Variants in NFKB1 observed in about 807,000 individuals in gnomAD.
The protein encoded by NFKB1 is nuclear factor NF-kappa-B p105 subunit.
A neutral mutation model predicts 105.1 loss-of-function variants in NFKB1; 9 were observed. That is an observed-to-expected ratio of 0.09 (90% confidence interval 0.05 to 0.15). NFKB1 has a LOEUF of 0.15. NFKB1 is among the 10% of genes least tolerant of loss of function. The probability of loss-of-function intolerance (pLI) is 1.00; values close to 1 mark genes in which losing one functional copy is unlikely to be tolerated. For missense variants in NFKB1, 830 were observed against 1,203.7 expected, an observed-to-expected ratio of 0.69 and a Z score of 4.59; for synonymous variants, 440 against 442.2, an observed-to-expected ratio of 1.00 and a Z score of 0.06.
chr4:102,544,699 C>T (rs553507654), intron 5 of NFKB1, among the ~76,000 whole-genome samples: 7 of 152,054 alleles, frequency 4.6e-5, no homozygotes, highest in South Asian at 2.1e-4. Flanking sequence ...TTTAAATAGC[C>T]CTCTAAATCC....
chr4:102,537,548 T>G (rs978352347), intron 4 of NFKB1: 1 of 189,736 alleles, frequency 5.3e-6, no homozygotes, highest in Non-Finnish European at 1.1e-5. Flanking sequence ...GAACAAGCCG[T>G]AACATGTTAA....
chr4:102,614,846 C>T (rs552974704), intron 23 of NFKB1, among the ~76,000 whole-genome samples: 1 of 152,184 alleles, frequency 6.6e-6, no homozygotes, highest in South Asian at 2.1e-4. Flanking sequence ...CTTGGTACCT[C>T]ACCCAAGCCC....
intron 3 of NFKB1, among the ~76,000 whole-genome samples, chr4:102,533,274 T>A (rs1197549482): frequency 1.3e-5 from 2 of 152,200 alleles, no homozygotes; most frequent in Middle Eastern, 6.8e-3. Context: ...AGGCAGTACT[T>A]TCCCTTCAAG....
chr4:102,561,982 G>A lies in NFKB1; in HGVS notation c.259-5005G>A, dbSNP rs141836100. ...TGTGGGCTAAAGTGGTGAGGAGGGT[G>A]TCATGGAAGATTCAGGTTCAGGTCT... On this transcript the variant is annotated intron_variant, in intron 5 of 23. Coordinates refer to ENST00000226574, the MANE Select transcript of NFKB1 (RefSeq NM_003998.4). Among the ~76,000 whole-genome samples, 554 of 152,342 alleles carry A rather than the reference G, an allele frequency of 3.6e-3. 4 individuals are homozygous for A. Among genetic ancestry groups the A allele is most frequent in the African/African-American group, 0.012 (511 of 41,574 alleles).
chr4:102,616,407 C>G (rs1377010545), intron 23 of NFKB1, 27 bp from the exon 24 acceptor site: 8 of 1,611,314 alleles, frequency 5.0e-6, no homozygotes, highest in Non-Finnish European at 6.8e-6. Context: ...GCCATTCCCC[C>G]AGTGAATTTG....
chr4:102,518,079 A>C (rs1740321681), intron 1 of NFKB1, among the ~76,000 whole-genome samples: 2 of 152,220 alleles, frequency 1.3e-5, no homozygotes, highest in Non-Finnish European at 1.5e-5. Flanking sequence ...AAGAAGGGGC[A>C]GATCCAAGAA....
intron 16 of NFKB1, among the ~76,000 whole-genome samples, chr4:102,603,502 T>A (rs759514807): frequency 5.9e-5 from 9 of 152,144 alleles, no homozygotes; most frequent in Non-Finnish European, 1.0e-4. Context: ...CCCTTCTGAT[T>A]TGGGGACTCT....
rs753234250 is a variant in NFKB1 at position 102,596,320 on chromosome 4, G to T, written c.1483G>T (p.Ala495Ser). 2.1e-5 allele frequency: 34 copies of T among 1,607,632 alleles called. 2 individuals are homozygous for T. The South Asian group carries it at 3.7e-4, about 17-fold the overall frequency. ...TGCAACAGGAACAAAAGAAGAGAGT[G>T]CTGGAGTTCAGGGTAAGTGAGCACA... is the stretch of plus-strand genomic sequence containing the variant. ...TYATGTKEES[A>S]GVQDNLFLEK... The change falls in exon 14 of 24, where the codon GCT becomes TCT. Residue 495 changes from alanine (A) to serine (S), a missense_variant. By Grantham distance (99) the Ala-to-Ser change is moderately conservative. Coordinates refer to ENST00000226574, the MANE Select transcript of NFKB1 (RefSeq NM_003998.4).
intron 1 of NFKB1, among the ~76,000 whole-genome samples, chr4:102,519,836 A>G (rs1382800370): frequency 2.0e-5 from 3 of 152,324 alleles, no homozygotes; most frequent in African/African-American, 7.2e-5. Context: ...TATCTAGGAC[A>G]TTGGTTCTCA....
rs1183407557 is a variant in NFKB1, at chr4:102,514,188, A to AAAT, written c.-7-11308_-7-11306dup. Among the ~76,000 whole-genome samples, 19 of 151,898 alleles carry AAAT rather than the reference A, an allele frequency of 1.3e-4. No individual in the cohort carries two copies. The South Asian group carries it at 1.3e-3, about 10-fold the overall frequency. On this transcript the variant is annotated intron_variant, in intron 1 of 23. Coordinates refer to ENST00000226574, the MANE Select transcript of NFKB1 (RefSeq NM_003998.4). The stretch of plus-strand genomic sequence containing the variant: ...AGACTCCATCTCAAAAAAAAAAAGA[A>AAAT]AATAATAATAATAATAATGTGGACT...
chr4:102,589,855 G>C lies in NFKB1; in HGVS notation c.1067-3570G>C, dbSNP rs145329735. Among the ~76,000 whole-genome samples the C allele has an allele frequency of 2.7e-3, 413 of 152,140 alleles. 1 individual carries two copies. The highest frequency in any genetic ancestry group is 9.6e-3 in the African/African-American group (399 of 41,512). ...AAAGGTATATGATAGAAAAAGAAGA[G>C]AAAGAAAAGGAAACAGAAAGGAGAA... On this transcript the variant is annotated intron_variant, in intron 11 of 23. Transcript: ENST00000226574.
chr4:102,604,511 G>A (rs766133944), intron 16 of NFKB1, among the ~76,000 whole-genome samples: 16 of 152,042 alleles, frequency 1.1e-4, no homozygotes, highest in African/African-American at 3.9e-4. Context: ...GTGTGTATCT[G>A]TATAGTTCTT....
intron 5 of NFKB1, among the ~76,000 whole-genome samples, chr4:102,545,918 G>T (rs1412452279): frequency 1.3e-5 from 2 of 152,076 alleles, no homozygotes; most frequent in Non-Finnish European, 2.9e-5. Context: ...TAATTAAGAG[G>T]ATACGGCACA....
chr4:102,584,626 GCA>G, intron 10 of NFKB1, 54 bp from the exon 11 acceptor site: 5 of 1,337,142 alleles, frequency 3.7e-6, no homozygotes, highest in Non-Finnish European at 5.0e-6. Context: ...TAGCATTACT[GCA>G]AAAAAAAAAA....
At chr4:102,598,551 A>G (rs1032763259) in intron 15 of NFKB1, among the ~76,000 whole-genome samples, 1 of 152,188 alleles carries the variant, frequency 6.6e-6, no homozygotes, top group Non-Finnish European at 1.5e-5. Context: ...ATTCCTTGCA[A>G]CGTAACCAAG....
In NFKB1 at chr4:102,601,029, A is replaced by T; in HGVS notation, c.1752+20A>T. On this transcript the variant is annotated intron_variant, in intron 16 of 23. Coordinates refer to ENST00000226574, the MANE Select transcript of NFKB1 (RefSeq NM_003998.4). ...TACCAGGTAAGCAGAAATCTCAAGA[A>T]AACAACTGAAGAAAAATCTGTAGTT... The T allele has an allele frequency of 7.2e-7, 1 of 1,394,990 alleles. No homozygotes were observed. The allele number at this position is 1,394,990 out of a possible 1,614,324, so 86.4% of individuals were successfully genotyped here. A position where few individuals can be genotyped will look rare whatever the true frequency, so the allele number is the denominator to read the frequency against.
intron 8 of NFKB1, among the ~76,000 whole-genome samples, chr4:102,579,975 A>G (rs1725195733): frequency 6.6e-6 from 1 of 152,008 alleles, no homozygotes; most frequent in African/African-American, 2.4e-5. Flanking sequence ...TGTTGGAGAA[A>G]AAAAAAAAGG....
intron 5 of NFKB1, among the ~76,000 whole-genome samples, chr4:102,550,314 C>G (rs1722478373): frequency 6.6e-6 from 1 of 152,132 alleles, no homozygotes; most frequent in Non-Finnish European, 1.5e-5. Flanking sequence ...CTTCACTACC[C>G]CAGTCCAGGC....
At chr4:102,563,817 C>G (rs1004781091) in intron 5 of NFKB1, among the ~76,000 whole-genome samples, 1 of 112,230 alleles carries the variant, frequency 8.9e-6, no homozygotes, top group Non-Finnish European at 1.8e-5. Flanking sequence ...GAAAGCTTAA[C>G]TCTTTTTTTT....
Sources: gnomAD v4.1 joint callset for allele counts (sites outside exome capture counted in the v4.1 genomes callset) on GRCh38, gnomAD v4.1.1 for gene constraint, MANE v1.5 for transcripts, NCBI Gene and HGNC (gene_info 2026-07-23, HGNC 2026-07-21) for gene names.